Variants in PLIN2 observed in about 807,000 individuals in gnomAD.
PLIN2 encodes the protein perilipin-2.
A neutral mutation model predicts 30.6 loss-of-function variants in PLIN2; 33 were observed. The observed-to-expected ratio is 1.08, with a 90% CI of 0.82 to 1.44. PLIN2 has a LOEUF of 1.44. Ranked by LOEUF, PLIN2 falls within the 40% of genes most tolerant of loss-of-function variation. The pLI is 0.00. For missense variants in PLIN2, 610 were observed against 531.8 expected, an observed-to-expected ratio of 1.15 and a Z score of -1.45; for synonymous variants, 205 against 201.1, an observed-to-expected ratio of 1.02 and a Z score of -0.16.
At chr9:19,113,934 C>T (rs556016496), downstream of PLIN2, among the ~76,000 whole-genome samples, 1 of 152,008 alleles carries the variant, frequency 6.6e-6, no homozygotes, top group Admixed American at 6.6e-5. Context: ...GCCCCCATGC[C>T]CAGCTAATTT....
At chr9:19,119,302 G>A (rs1818276834) in intron 6 of PLIN2, among the ~76,000 whole-genome samples, 2 of 152,168 alleles carry the variant, frequency 1.3e-5, no homozygotes, top group Admixed American at 1.3e-4. Flanking sequence ...CCAAGTGTAG[G>A]TATGCTTGTA....
chr9:19,121,177 A>G lies in PLIN2; in HGVS notation c.310-12T>C. ...GCATTGGCAACAATCTGTAAGTAGA[A>G]AAGCAGATCCCCTGGCTGGTGAGAA... On this transcript the variant is annotated splice_polypyrimidine_tract_variant and intron_variant, in intron 4 of 7. Coordinates refer to ENST00000276914, the MANE Select transcript of PLIN2 (RefSeq NM_001122.4). 10 of 1,612,402 alleles carry G rather than the reference A, an allele frequency of 6.2e-6. No homozygotes were observed. The highest frequency in any genetic ancestry group is 8.5e-6 in the Non-Finnish European group (10 of 1,178,702).
intron 5 of PLIN2, 27 bp from the exon 6 acceptor site, chr9:19,119,858 A>C: frequency 6.8e-7 from 1 of 1,479,980 alleles, no homozygotes; most frequent in Non-Finnish European, 9.3e-7. Context: ...GAGACAAAAA[A>C]ACTTAAGGGA....
At chr9:19,117,766 T>G (rs531177051) in intron 7 of PLIN2, among the ~76,000 whole-genome samples, 1 of 152,138 alleles carries the variant, frequency 6.6e-6, no homozygotes, top group Non-Finnish European at 1.5e-5. Flanking sequence ...TACAGGCACG[T>G]GCCACCATGC....
Position 19,123,486 on chromosome 9 carries a change from A to G in PLIN2, c.309+79T>C, listed in dbSNP as rs1239028715. ...GAAAACAAGTATTTGCCTGTTTGTGATATGTACAGCTTGTTTTAACAGATA... is the reference window on the plus strand; with the variant it reads ...GAAAACAAGTATTTGCCTGTTTGTGGTATGTACAGCTTGTTTTAACAGATA... On this transcript the variant is annotated intron_variant, in intron 4 of 7. Coordinates refer to ENST00000276914, the MANE Select transcript of PLIN2 (RefSeq NM_001122.4). 5.0e-6 allele frequency: 8 copies of G among 1,607,074 alleles called. No homozygotes were observed. The African/African-American group carries it at 6.7e-5, about 13-fold the overall frequency.
At chr9:19,124,927 C>G (rs1282527893) in intron 3 of PLIN2, among the ~76,000 whole-genome samples, 1 of 152,138 alleles carries the variant, frequency 6.6e-6, no homozygotes, top group Admixed American at 6.6e-5. Context: ...TGTGACAAGA[C>G]AGATTAACTT....
chr9:19,119,865 G>A (rs781109834), intron 5 of PLIN2, 34 bp from the exon 6 acceptor site: 3 of 1,437,364 alleles, frequency 2.1e-6, no homozygotes. Flanking sequence ...AAAAACTTAA[G>A]GGATCACAGT....
chr9:19,118,213 C>T (rs1244779749), intron 7 of PLIN2, 108 bp downstream of exon 7: 3 of 1,131,564 alleles, frequency 2.7e-6, no homozygotes, highest in African/African-American at 3.1e-5. Flanking sequence ...TATTGTTCAA[C>T]CTTTTGATAG....
intron 2 of PLIN2, chr9:19,108,811 G>C (rs1818123800): frequency 6.6e-6 from 1 of 152,578 alleles, no homozygotes; most frequent in South Asian, 2.1e-4. Flanking sequence ...AGGTCCATCT[G>C]AGCTCATGGA....
intron 6 of PLIN2, 66 bp downstream of exon 6, chr9:19,119,584 A>T (rs193177202): frequency 6.9e-5 from 66 of 949,910 alleles, no homozygotes; most frequent in Non-Finnish European, 9.5e-5. Flanking sequence ...TTGTGATTAC[A>T]TTTAATTCTT....
At position 19,118,459 on chromosome 9, in the gene PLIN2, G is replaced by C; in HGVS notation, c.778-4C>G. On this transcript the variant is annotated splice_region_variant and splice_polypyrimidine_tract_variant and intron_variant, in intron 6 of 7. Coordinates refer to ENST00000276914, the MANE Select transcript of PLIN2 (RefSeq NM_001122.4). ...CATTCTTCCTGGCAAATTCAATCTA[G>C]ACACATTGAAACAAGACAAAGGAAC... The C allele has an allele frequency of 2.5e-6, 4 of 1,611,732 alleles. No individual in the cohort carries two copies. Among genetic ancestry groups the C allele is most frequent in the Non-Finnish European group, 3.4e-6 (4 of 1,179,374 alleles).
chr9:19,118,575 G>C (rs982961019), intron 6 of PLIN2, 120 bp from the exon 7 acceptor site: 9 of 796,264 alleles, frequency 1.1e-5, no homozygotes, highest in Middle Eastern at 2.8e-4. Context: ...AGTTGAATAA[G>C]ATCTATTCCT....
chr9:19,125,904 T>C (rs1471543909), intron 3 of PLIN2: 11 of 461,328 alleles, frequency 2.4e-5, no homozygotes, highest in South Asian at 1.2e-4. Flanking sequence ...GCCTGAGTGA[T>C]AGAGTGAGAC....
chr9:19,116,393 T>A lies in PLIN2; in HGVS notation c.1169A>T (p.Asp390Val), dbSNP rs1418737042. 6.2e-7 allele frequency: 1 copy of A among 1,614,188 alleles called. No homozygotes were observed. Among genetic ancestry groups the A allele is most frequent in the Non-Finnish European group, 8.5e-7 (1 of 1,180,040 alleles). ...GAGGGGCGTGTTGTTAACAAGATAA[T>A]CCATCACGTCATCTAAAGATTCCTT... ...KMKESLDDVM[D>V]YLVNNTPLNW... The change falls in exon 8 of 8, where the codon GAT (aspartate) becomes GTT (valine). Residue 390 changes from aspartate to valine, a missense_variant. Asp to Val is a radical substitution (Grantham distance 152). Coordinates refer to ENST00000276914, the MANE Select transcript of PLIN2 (RefSeq NM_001122.4).
At chr9:19,119,571 A>C in intron 6 of PLIN2, 79 bp downstream of exon 6, 3 of 845,254 alleles carry the variant, frequency 3.5e-6, no homozygotes, top group Non-Finnish European at 5.4e-6. Context: ...AAATTCTTGG[A>C]TTTTGTGATT....
downstream of PLIN2, among the ~76,000 whole-genome samples, chr9:19,112,814 A>G (rs1818175043): frequency 6.6e-6 from 1 of 152,112 alleles, no homozygotes; most frequent in African/African-American, 2.4e-5. Context: ...CAGCAAAACC[A>G]TGACCAATGT....
intron 7 of PLIN2, 36 bp from the exon 8 acceptor site, chr9:19,116,685 CAGTGCTATGTATAAATT>C (rs758673232): frequency 1.3e-6 from 2 of 1,580,492 alleles, no homozygotes; most frequent in Non-Finnish European, 1.7e-6. Context: ...GTGGATCCAA[CAGTGCTATGTATAAATT>C]AGTTCGATGA....
intron 6 of PLIN2, among the ~76,000 whole-genome samples, chr9:19,119,380 T>A (rs538610825): frequency 6.0e-4 from 91 of 152,334 alleles, no homozygotes; most frequent in Admixed American, 6.0e-3. Context: ...GTTCTTTCTC[T>A]ACACCGTTGC....
chr9:19,123,797 G>A (rs1818356418), intron 3 of PLIN2, 150 bp from the exon 4 acceptor site: 2 of 615,252 alleles, frequency 3.3e-6, no homozygotes, highest in South Asian at 4.1e-5. Context: ...GAGGCAGGCG[G>A]ATCACGAGGT....
Sources: allele counts gnomAD v4.1 joint callset (sites outside exome capture counted in the v4.1 genomes callset), GRCh38; gene constraint gnomAD v4.1.1; transcripts MANE v1.5; gene names NCBI Gene and HGNC (gene_info 2026-07-23, HGNC 2026-07-21).